FGL1: variants seen among roughly 807,000 people sequenced by gnomAD.
FGL1 encodes the protein fibrinogen-like protein 1.
A neutral mutation model predicts 43.7 loss-of-function variants in FGL1; 59 were observed. That is an observed-to-expected ratio of 1.35 (90% CI 1.10 to 1.68). FGL1 has a LOEUF of 1.68. Ranked by LOEUF, FGL1 falls within the 40% of genes most tolerant of loss-of-function variation. The pLI is 0.00. For synonymous variants in FGL1, 192 were observed against 126.5 expected, an observed-to-expected ratio of 1.52 and a Z score of -3.48; for missense variants, 596 against 373.0, an observed-to-expected ratio of 1.60 and a Z score of -4.92.
chr8:17,886,722 C>T (rs2053633853), intron 1 of FGL1, among the ~76,000 whole-genome samples: 1 of 152,114 alleles, frequency 6.6e-6, no homozygotes. Context: ...CGTGCCAATG[C>T]ACTCCAGCCT....
At chr8:17,884,581 C>T (rs1041011168) in intron 2 of FGL1, among the ~76,000 whole-genome samples, 3 of 152,112 alleles carry the variant, frequency 2.0e-5, no homozygotes, top group African/African-American at 7.2e-5. Flanking sequence ...TGCTTAGCAC[C>T]TTGAGTCACA....
intron 1 of FGL1, among the ~76,000 whole-genome samples, chr8:17,895,011 G>A (rs1011293698): frequency 1.3e-5 from 2 of 151,284 alleles, no homozygotes; most frequent in African/African-American, 4.9e-5. Context: ...GTCTCTTGAT[G>A]TCCTGAAATG....
intron 1 of FGL1, 23 bp from the exon 2 acceptor site, chr8:17,885,594 A>G: frequency 1.9e-6 from 3 of 1,604,080 alleles, no homozygotes; most frequent in Non-Finnish European, 2.6e-6. Flanking sequence ...AAAGAATTTT[A>G]TAAATGTATC....
Position 17,882,030 on chromosome 8 carries a change from G to T in FGL1, c.213C>A (p.Val71=). The change falls in exon 3 of 8, where the codon GTC becomes GTA. Residue 71 remains valine (V), a synonymous_variant. Transcript: ENST00000427924. ...QFLDKGDENT[V]IDLGSKRQYA... is the part of the protein sequence containing the mutation. ...ACTGCCTCTTGCTTCCAAGATCAATGACAGTATTCTCATCTCCTTTATCAA... is the reference window on the plus strand; with the variant it reads ...ACTGCCTCTTGCTTCCAAGATCAATTACAGTATTCTCATCTCCTTTATCAA... 1 of 1,613,782 alleles carries T rather than the reference G, an allele frequency of 6.2e-7. No homozygotes were observed. The highest frequency in any genetic ancestry group is 8.5e-7 in the Non-Finnish European group (1 of 1,179,932).
At chr8:17,870,915 A>G (rs1177557477) in intron 5 of FGL1, among the ~76,000 whole-genome samples, 2 of 151,472 alleles carry the variant, frequency 1.3e-5, no homozygotes, top group Admixed American at 1.3e-4. Context: ...AAAAAAAAAA[A>G]GCCATTTTTT....
chr8:17,872,195 G>T (rs2053373938), intron 5 of FGL1, among the ~76,000 whole-genome samples: 1 of 152,002 alleles, frequency 6.6e-6, no homozygotes, highest in Non-Finnish European at 1.5e-5. Context: ...TCATTCTAGT[G>T]TCTCAAAGAA....
At chr8:17,889,384 T>C (rs1446782967) in intron 1 of FGL1, among the ~76,000 whole-genome samples, 1 of 152,082 alleles carries the variant, frequency 6.6e-6, no homozygotes, top group Non-Finnish European at 1.5e-5. Context: ...ACTCCATCGC[T>C]ACTAAAAATA....
intron 2 of FGL1, among the ~76,000 whole-genome samples, chr8:17,884,845 T>C (rs1360095616): frequency 6.6e-6 from 1 of 152,174 alleles, no homozygotes; most frequent in African/African-American, 2.4e-5. Context: ...TATTCACAAA[T>C]GAAGGACAAC....
intron 1 of FGL1, among the ~76,000 whole-genome samples, chr8:17,888,152 A>G (rs1391711261): frequency 6.6e-6 from 1 of 152,036 alleles, no homozygotes; most frequent in East Asian, 1.9e-4. Flanking sequence ...TTAAAAATAG[A>G]GAAAATTAAC....
chr8:17,866,490 G>A (rs998024514), intron 7 of FGL1, among the ~76,000 whole-genome samples: 2 of 152,196 alleles, frequency 1.3e-5, no homozygotes, highest in African/African-American at 4.8e-5. Flanking sequence ...AGGCATGGTA[G>A]AAGTAGCACC....
intron 2 of FGL1, among the ~76,000 whole-genome samples, chr8:17,883,688 AT>A (rs1416234274): frequency 1.4e-5 from 2 of 143,722 alleles, no homozygotes; most frequent in African/African-American, 2.6e-5. Flanking sequence ...ATATATATAT[AT>A]TTTTTATATA....
intron 1 of FGL1, chr8:17,891,703 C>A: frequency 1.0e-6 from 1 of 985,066 alleles, no homozygotes; most frequent in Non-Finnish European, 1.2e-6. Context: ...TGTAGAACTT[C>A]CCAGGATCTG....
At chr8:17,890,076 C>A (rs573781048) in intron 1 of FGL1, among the ~76,000 whole-genome samples, 4 of 152,278 alleles carry the variant, frequency 2.6e-5, no homozygotes, top group African/African-American at 9.6e-5. Context: ...TGAAATCTCA[C>A]GATGTCTTTA....
rs1386517077 is a variant in FGL1, at chr8:17,882,020, C to T, written c.223G>A (p.Gly75Arg). ...TGACCTGCATACTGCCTCTTGCTTC[C>T]AAGATCAATGACAGTATTCTCATCT... ...KGDENTVIDL[G>R]SKRQYADCSE... The change falls in exon 3 of 8, where the codon GGA (glycine) becomes AGA (arginine). Residue 75 changes from glycine to arginine, a missense_variant. Transcript: ENST00000427924. The T allele has an allele frequency of 5.6e-6, 9 of 1,613,742 alleles. No individual in the cohort carries two copies. The highest frequency in any genetic ancestry group is 1.1e-5 in the South Asian group (1 of 91,016).
intron 1 of FGL1, among the ~76,000 whole-genome samples, chr8:17,887,790 A>G (rs548090348): frequency 5.9e-5 from 9 of 151,634 alleles, no homozygotes; most frequent in African/African-American, 2.2e-4. Context: ...AGCCGAGATC[A>G]CGCCACTGCA....
Position 17,864,531 on chromosome 8 carries a change from G to C in FGL1, c.*61C>G, listed in dbSNP as rs1811077473. Reference sequence around the variant, plus strand: ...TTGCGCATGGATATGTTCAGAATGAGTATTTTTCAAATCACTTTAAACAAA... The same window carrying C: ...TTGCGCATGGATATGTTCAGAATGACTATTTTTCAAATCACTTTAAACAAA... On this transcript the variant is annotated 3_prime_UTR_variant, in exon 8 of 8. Coordinates refer to ENST00000427924, the MANE Select transcript of FGL1 (RefSeq NM_004467.4). 1.3e-6 allele frequency: 2 copies of C among 1,524,782 alleles called. No individual in the cohort carries two copies. The highest frequency in any genetic ancestry group is 2.5e-5 in the South Asian group (2 of 78,808). The allele number at this position is 1,524,782 out of a possible 1,614,324, so 94.5% of individuals were successfully genotyped here.
chr8:17,869,060 A>G lies in FGL1; in HGVS notation c.503-56T>C, dbSNP rs1226488035. The G allele has an allele frequency of 2.2e-5, 23 of 1,068,674 alleles. 1 individual carries two copies. In the East Asian group the frequency reaches 3.9e-4, roughly 18 times the overall value. The allele number at this position is 1,068,674 out of a possible 1,614,324, so 66.2% of individuals were successfully genotyped here. Reference sequence around the variant, plus strand: ...AAAAATGTGTGACATGACACGGACTACTGCGGTTTAAAAATAATTCACAGC... The same window carrying G: ...AAAAATGTGTGACATGACACGGACTGCTGCGGTTTAAAAATAATTCACAGC... On this transcript the variant is annotated intron_variant, in intron 5 of 7. Coordinates refer to ENST00000427924, the MANE Select transcript of FGL1 (RefSeq NM_004467.4).
At chr8:17,882,839 T>C (rs62500071) in intron 2 of FGL1, among the ~76,000 whole-genome samples, 5,611 of 32,432 alleles carry the variant, frequency 0.17, 262 homozygotes, top group Middle Eastern at 0.4. Context: ...ATATATTAAA[T>C]AATATATAAT....
chr8:17,882,203 G>A (rs760794248), intron 2 of FGL1, 24 bp from the exon 3 acceptor site: 1 of 1,599,966 alleles, frequency 6.3e-7, no homozygotes, highest in South Asian at 1.1e-5. Flanking sequence ...GAGATGAGAT[G>A]AGTATGCACC....
Sources: gnomAD v4.1 joint callset for allele counts (sites outside exome capture counted in the v4.1 genomes callset) on GRCh38, gnomAD v4.1.1 for gene constraint, MANE v1.5 for transcripts, NCBI Gene and HGNC (gene_info 2026-07-23, HGNC 2026-07-21) for gene names.